The following AAGAB variants were observed in gnomAD, a reference collection of about 807,000 sequenced individuals.
The protein encoded by AAGAB is alpha and gamma adaptin binding protein.
A neutral mutation model predicts 44.1 loss-of-function variants in AAGAB; 38 were observed. The observed-to-expected ratio is 0.86, with a 90% CI of 0.67 to 1.13. AAGAB has a LOEUF of 1.13. Ranked by LOEUF, AAGAB falls within the 50% of genes most tolerant of loss-of-function variation. The pLI is 0.00. For synonymous variants in AAGAB, 131 were observed against 131.8 expected, an observed-to-expected ratio of 0.99 and a Z score of 0.04; for missense variants, 450 against 373.8, an observed-to-expected ratio of 1.20 and a Z score of -1.68.
chr15:67,206,102 A>G (rs2140342988), intron 7 of AAGAB, among the ~76,000 whole-genome samples: 1 of 152,308 alleles, frequency 6.6e-6, no homozygotes, highest in South Asian at 2.1e-4. Flanking sequence ...TTTAGTTGTC[A>G]AATCTCCTTA....
At chr15:67,229,450 A>G (rs1964283467) in intron 5 of AAGAB, among the ~76,000 whole-genome samples, 4 of 149,948 alleles carry the variant, frequency 2.7e-5, no homozygotes, top group Admixed American at 2.7e-4. Context: ...AAAAAAAAAG[A>G]GTTGGAGAAG....
At chr15:67,209,293 G>C (rs1276641996) in intron 6 of AAGAB, among the ~76,000 whole-genome samples, 169 bp downstream of exon 6, 1 of 152,196 alleles carries the variant, frequency 6.6e-6, no homozygotes, top group Non-Finnish European at 1.5e-5. Flanking sequence ...CATCTTGAAA[G>C]GGCTTACTGC....
At chr15:67,222,711 C>T (rs1054202778) in intron 5 of AAGAB, among the ~76,000 whole-genome samples, 1 of 152,136 alleles carries the variant, frequency 6.6e-6, no homozygotes, top group Non-Finnish European at 1.5e-5. Flanking sequence ...CTTCTCTCTC[C>T]TACTTCATCC....
chr15:67,215,056 T>C (rs1963912102), intron 5 of AAGAB, among the ~76,000 whole-genome samples: 1 of 152,150 alleles, frequency 6.6e-6, no homozygotes. Context: ...TCCTCCCTCA[T>C]ATTCTGAGAA....
At chr15:67,227,607 C>T (rs777191906) in intron 5 of AAGAB, among the ~76,000 whole-genome samples, 11 of 152,162 alleles carry the variant, frequency 7.2e-5, no homozygotes, top group East Asian at 5.8e-4. Flanking sequence ...TGGCAGACAA[C>T]ACTTGGACAT....
intron 1 of AAGAB, among the ~76,000 whole-genome samples, chr15:67,247,039 A>T (rs757643385): frequency 3.3e-5 from 5 of 152,166 alleles, no homozygotes; most frequent in Non-Finnish European, 5.9e-5. Context: ...ACTCACCGTG[A>T]GGGTCTGCAG....
chr15:67,205,386 AG>A (rs1963662756), intron 7 of AAGAB, among the ~76,000 whole-genome samples: 1 of 152,236 alleles, frequency 6.6e-6, no homozygotes, highest in Non-Finnish European at 1.5e-5. Flanking sequence ...TGAAGATAAA[AG>A]TTTGTGATTT....
At chr15:67,227,433 C>T (rs1355414089) in intron 5 of AAGAB, among the ~76,000 whole-genome samples, 1 of 151,874 alleles carries the variant, frequency 6.6e-6, no homozygotes. Context: ...GCACTTACTG[C>T]CACTGAAATG....
At chr15:67,230,198 A>G (rs1366177003) in intron 5 of AAGAB, among the ~76,000 whole-genome samples, 1 of 152,090 alleles carries the variant, frequency 6.6e-6, no homozygotes, top group Admixed American at 6.5e-5. Flanking sequence ...CTCACTCAGC[A>G]TACTTGTTGA....
At chr15:67,240,345 T>C (rs1237446044) in intron 1 of AAGAB, among the ~76,000 whole-genome samples, 1 of 152,212 alleles carries the variant, frequency 6.6e-6, no homozygotes, top group African/African-American at 2.4e-5. Context: ...TAAATTATTA[T>C]GTTGTAGACT....
rs569807237 is a variant in AAGAB at position 67,205,351 on chromosome 15, C to T, written c.716-1203G>A. On this transcript the variant is annotated intron_variant, in intron 7 of 9. Coordinates refer to ENST00000261880, the MANE Select transcript of AAGAB (RefSeq NM_024666.5). Reference sequence around the variant, plus strand: ...ATTTGCTTTCGTTCAATGGACATGTCATGTAGGAAGTTGGTATATAGGGCT... The same window carrying T: ...ATTTGCTTTCGTTCAATGGACATGTTATGTAGGAAGTTGGTATATAGGGCT... Among the ~76,000 whole-genome samples the T allele has an allele frequency of 5.9e-5, 9 of 152,266 alleles. No homozygotes were observed. In the East Asian group the frequency reaches 1.5e-3, roughly 26 times the overall value.
intron 1 of AAGAB, among the ~76,000 whole-genome samples, chr15:67,243,600 GC>G (rs1209922824): frequency 6.6e-6 from 1 of 152,128 alleles, no homozygotes; most frequent in African/African-American, 2.4e-5. Flanking sequence ...GCACAAGACA[GC>G]CCCACAAGAC....
intron 1 of AAGAB, among the ~76,000 whole-genome samples, chr15:67,250,994 T>C (rs925286871): frequency 6.6e-6 from 1 of 152,118 alleles, no homozygotes; most frequent in Admixed American, 6.5e-5. Flanking sequence ...GCCACTGCAC[T>C]CCAGCCCAGG....
At chr15:67,243,755 T>C (rs1341534692) in intron 1 of AAGAB, among the ~76,000 whole-genome samples, 1 of 152,190 alleles carries the variant, frequency 6.6e-6, no homozygotes, top group Non-Finnish European at 1.5e-5. Context: ...TATTCTTTCT[T>C]GAAGAGCTGA....
At position 67,236,055 on chromosome 15, in the gene AAGAB, T is replaced by C. The variant is rs370424557; in HGVS notation, c.375A>G (p.Gln125=). 13 of 1,612,268 alleles carry C rather than the reference T, an allele frequency of 8.1e-6. No individual in the cohort carries two copies. Among genetic ancestry groups the C allele is most frequent in the Non-Finnish European group, 1.1e-5 (13 of 1,178,904 alleles). ...GTTTGATGCACCATTCTTGAGCTTT[T>C]TGTCGGTTTATACCTAAAATAATAT... ...DRVSEDGINR[Q]KAQEWCIKHG... is the part of the protein sequence containing the mutation. Residue 125 remains glutamine (Q), a synonymous_variant, in exon 4 of 10, where the codon CAA becomes CAG. Transcript: ENST00000261880.
Position 67,231,832 on chromosome 15 carries a change from T to C in AAGAB, c.517A>G (p.Asn173Asp). ...VQALNANVWS[N>D]VVMKNDRNQG... is the part of the protein sequence containing the mutation. ...TACTTACCATTCTTCATCACTACATTGGACCACACATTGGCATTCAGGGCT... is the reference window on the plus strand; with the variant it reads ...TACTTACCATTCTTCATCACTACATCGGACCACACATTGGCATTCAGGGCT... Residue 173 changes from asparagine to aspartate, a missense_variant, in exon 5 of 10, where the codon AAT (asparagine) becomes GAT (aspartate). Physicochemically the swap from Asn to Asp is conservative, Grantham distance 23. Coordinates refer to ENST00000261880, the MANE Select transcript of AAGAB (RefSeq NM_024666.5). The C allele has an allele frequency of 1.2e-6, 2 of 1,612,228 alleles. No homozygotes were observed. Among genetic ancestry groups the C allele is most frequent in the Non-Finnish European group, 8.5e-7 (1 of 1,178,496 alleles).
intron 5 of AAGAB, among the ~76,000 whole-genome samples, chr15:67,216,046 T>C (rs1044838252): frequency 2.0e-5 from 3 of 152,188 alleles, no homozygotes; most frequent in African/African-American, 7.2e-5. Flanking sequence ...TATTTGAACA[T>C]ATAATGAACA....
intron 5 of AAGAB, among the ~76,000 whole-genome samples, chr15:67,216,287 C>A (rs2140354395): frequency 6.6e-6 from 1 of 151,574 alleles, no homozygotes; most frequent in Admixed American, 6.6e-5. Context: ...ACTAAAAATA[C>A]AAAAATTAGC....
chr15:67,200,827 C>T lies in AAGAB; in HGVS notation c.*1994G>A, dbSNP rs1274706605. Among the ~76,000 whole-genome samples, 1 of 152,186 alleles carries T rather than the reference C, an allele frequency of 6.6e-6. No individual in the cohort carries two copies. Among genetic ancestry groups the T allele is most frequent in the Non-Finnish European group, 1.5e-5 (1 of 68,038 alleles). ...CTAGAGACCTTCATCCCATATGTCCCTAGAAGAGGCCAATATCCCTGCATA... is the reference window on the plus strand; with the variant it reads ...CTAGAGACCTTCATCCCATATGTCCTTAGAAGAGGCCAATATCCCTGCATA... On this transcript the variant is annotated 3_prime_UTR_variant, in exon 10 of 10. Transcript: ENST00000261880.
Sources: gnomAD v4.1 joint callset for allele counts (sites outside exome capture counted in the v4.1 genomes callset) on GRCh38, gnomAD v4.1.1 for gene constraint, MANE v1.5 for transcripts, NCBI Gene and HGNC (gene_info 2026-07-23, HGNC 2026-07-21) for gene names.